NUTM2G: variants seen among roughly 807,000 people sequenced by gnomAD.
NUTM2G encodes the protein family with sequence similarity 22, member G.
NUTM2G carries 29 observed loss-of-function variants against 44.3 expected under a neutral mutation model. That is an observed-to-expected ratio of 0.66 (90% CI 0.49 to 0.89). The LOEUF is 0.89. Ranked by LOEUF, NUTM2G falls within the 40% of genes least tolerant of loss-of-function variation. The pLI is 0.00. For synonymous variants in NUTM2G, 205 were observed against 395.9 expected, an observed-to-expected ratio of 0.52 and a Z score of 5.72; for missense variants, 502 against 946.5, an observed-to-expected ratio of 0.53 and a Z score of 6.16.
downstream of NUTM2G, among the ~76,000 whole-genome samples, chr9:96,941,118 G>A (rs79911370): frequency 8.5e-3 from 1,267 of 149,276 alleles, 15 homozygotes; most frequent in East Asian, 0.099. Flanking sequence ...GTACTCTGGC[G>A]TGTGTGGGTG....
intron 2 of NUTM2G, among the ~76,000 whole-genome samples, chr9:96,933,242 T>C (rs1826327300): frequency 6.6e-6 from 1 of 151,852 alleles, no homozygotes; most frequent in African/African-American, 2.4e-5. Flanking sequence ...CCTCCCAAAG[T>C]GCTGCGATTG....
chr9:96,936,992 T>C, intron 4 of NUTM2G, 72 bp from the exon 5 acceptor site: 2 of 1,378,292 alleles, frequency 1.5e-6, no homozygotes, highest in Non-Finnish European at 2.0e-6. Context: ...CCCCAAGCCC[T>C]GCCCTCCCCT....
In NUTM2G at chr9:96,936,491, G is replaced by A. The variant is rs948377028; in HGVS notation, c.909G>A (p.Gln303=). 8 of 1,555,086 alleles carry A rather than the reference G, an allele frequency of 5.1e-6. No individual in the cohort carries two copies. The highest frequency in any genetic ancestry group is 2.3e-4 in the Middle Eastern group (1 of 4,414). Residue 303 remains glutamine, a synonymous_variant, in exon 4 of 7, where the codon CAG becomes CAA. Coordinates refer to ENST00000372322, the MANE Select transcript of NUTM2G (RefSeq NM_001170741.3). The part of the protein sequence containing the change: ...IQKSQWMKGP[Q]SLPPPAPPRL... The stretch of plus-strand genomic sequence containing the variant: ...AATCGCAGTGGATGAAGGGGCCCCA[G>A]AGCCTGCCTCCTCCAGCCCCGCCGA...
intron 2 of NUTM2G, among the ~76,000 whole-genome samples, chr9:96,934,286 T>A (rs188353994): frequency 6.6e-6 from 1 of 152,352 alleles, no homozygotes; most frequent in African/African-American, 2.4e-5. Flanking sequence ...AAACAGGAGC[T>A]TGAGCATATC....
At chr9:96,933,154 A>AT (rs1249135001) in intron 2 of NUTM2G, among the ~76,000 whole-genome samples, 117 of 134,084 alleles carry the variant, frequency 8.7e-4, no homozygotes, top group Middle Eastern at 0.01. Flanking sequence ...ATTTTTTTGT[A>AT]TTTTTAGTAG....
At position 96,937,416 on chromosome 9, in the gene NUTM2G, T is replaced by C; in HGVS notation, c.1323+12T>C. ...ACTTTGTCACCAAGGTGGGCTTGCC[T>C]GGAGTGCTGTGGTCTGTAGGATTCC... On this transcript the variant is annotated intron_variant, in intron 5 of 6. Transcript: ENST00000372322. The C allele has an allele frequency of 1.2e-6, 2 of 1,610,110 alleles. No individual in the cohort carries two copies. The highest frequency in any genetic ancestry group is 4.5e-5 in the East Asian group (2 of 44,860).
At position 96,937,361 on chromosome 9, in the gene NUTM2G, G is replaced by T; in HGVS notation, c.1280G>T (p.Ser427Ile). 6.2e-7 allele frequency: 1 copy of T among 1,613,906 alleles called. No homozygotes were observed. Among genetic ancestry groups the T allele is most frequent in the Non-Finnish European group, 8.5e-7 (1 of 1,179,862 alleles). The change falls in exon 5 of 7, where the codon AGC becomes ATC. Residue 427 changes from serine (S) to isoleucine (I), a missense_variant. Transcript: ENST00000372322. ...DGMTSDPGLLSYIDKLCSQED... is the reference protein window; with the variant it reads ...DGMTSDPGLLIYIDKLCSQED... ...ATGACCTCAGACCCGGGCCTCCTGA[G>T]CTACATTGACAAGCTGTGTTCCCAG...
chr9:96,938,032 A>C lies in NUTM2G; in HGVS notation c.1440+31A>C, dbSNP rs765616022. The C allele has an allele frequency of 1.4e-4, 233 of 1,611,808 alleles. 1 individual carries two copies. Among genetic ancestry groups the C allele is most frequent in the Non-Finnish European group, 2.4e-5 (28 of 1,179,684 alleles). ...GCAGCAGAGGGAGGGGAACCCAGGT[A>C]CTCCAGGGGCAGGAGGGACCCGGCA... On this transcript the variant is annotated intron_variant, in intron 6 of 6. Transcript: ENST00000372322.
rs759514287 is a variant in NUTM2G at position 96,937,249 on chromosome 9, C to T, written c.1168C>T (p.Leu390=). Residue 390 remains leucine, a synonymous_variant, in exon 5 of 7, where the codon CTG becomes TTG. Transcript: ENST00000372322. ...GGAGTATGTGGACATCATGGAGGAG[C>T]TGCTGGGGTCTCACCCTGGGGACAC... The part of the protein sequence containing the change: ...VQEYVDIMEE[L]LGSHPGDTGE... 7.4e-6 allele frequency: 12 copies of T among 1,613,308 alleles called. No homozygotes were observed. Among genetic ancestry groups the T allele is most frequent in the African/African-American group, 1.3e-5 (1 of 74,882 alleles).
chr9:96,937,585 C>T (rs1564033737), intron 5 of NUTM2G, among the ~76,000 whole-genome samples, 181 bp downstream of exon 5: 1 of 151,952 alleles, frequency 6.6e-6, no homozygotes, highest in Admixed American at 6.6e-5. Flanking sequence ...TGATTTGTTA[C>T]TGTGTCTTTG....
At chr9:96,937,631 T>A (rs1248558896) in intron 5 of NUTM2G, among the ~76,000 whole-genome samples, 1 of 152,126 alleles carries the variant, frequency 6.6e-6, no homozygotes, top group East Asian at 1.9e-4. Context: ...GTCTGGAGTG[T>A]GTATGTTACC....
chr9:96,930,309 G>C (rs1826197670), intron 1 of NUTM2G, among the ~76,000 whole-genome samples: 1 of 152,180 alleles, frequency 6.6e-6, no homozygotes, highest in African/African-American at 2.4e-5. Flanking sequence ...TGGATCACGA[G>C]GTCAAGGAGT....
Position 96,936,151 on chromosome 9 carries a change from G to A in NUTM2G, c.843-274G>A, listed in dbSNP as rs1316681330. Among the ~76,000 whole-genome samples, 4 of 149,360 alleles carry A rather than the reference G, an allele frequency of 2.7e-5. No homozygotes were observed. The South Asian group carries it at 8.7e-4, about 32-fold the overall frequency. ...CCCACCCCCGGCCAGCTGATACCTG[G>A]AGGAGGGGTTCCCGGGACCCTCCTG... On this transcript the variant is annotated intron_variant, in intron 3 of 6. Coordinates refer to ENST00000372322, the MANE Select transcript of NUTM2G (RefSeq NM_001170741.3).
intron 2 of NUTM2G, chr9:96,933,929 C>T (rs1363323780): frequency 1.3e-5 from 2 of 152,248 alleles, no homozygotes; most frequent in Admixed American, 6.5e-5. Context: ...GAAAAAAGGA[C>T]AATGGTGCTT....
intron 3 of NUTM2G, among the ~76,000 whole-genome samples, 191 bp from the exon 4 acceptor site, chr9:96,936,234 G>A (rs1274020906): frequency 1.3e-5 from 2 of 151,378 alleles, no homozygotes; most frequent in Admixed American, 6.6e-5. Context: ...GCTCTGCAGG[G>A]GCCGGGTGAG....
At chr9:96,935,493 G>T (rs530433650) in intron 3 of NUTM2G, 37 bp downstream of exon 3, 6 of 1,611,806 alleles carry the variant, frequency 3.7e-6, no homozygotes, top group East Asian at 2.2e-5. Context: ...CCCGTGTGGC[G>T]GGGTGAGAGT....
chr9:96,938,578 C>G lies in NUTM2G; in HGVS notation c.1655C>G (p.Thr552Ser), dbSNP rs1826522976. 10 of 1,613,516 alleles carry G rather than the reference C, an allele frequency of 6.2e-6. No homozygotes were observed. Among genetic ancestry groups the G allele is most frequent in the Non-Finnish European group, 8.5e-6 (10 of 1,179,730 alleles). The change falls in exon 7 of 7, where the codon ACT (threonine) becomes AGT (serine). Residue 552 changes from threonine (T) to serine (S), a missense_variant. Coordinates refer to ENST00000372322, the MANE Select transcript of NUTM2G (RefSeq NM_001170741.3). ...CCTCAGGGACAGGGCAGAGTGCGCA[C>G]TGGCATGGCCAGGTCCGAAGACCCT... is the stretch of plus-strand genomic sequence containing the variant. The part of the protein sequence containing the change: ...QDPQGQGRVR[T>S]GMARSEDPAV...
At chr9:96,935,733 C>CA (rs536733404) in intron 3 of NUTM2G, among the ~76,000 whole-genome samples, 66 of 152,266 alleles carry the variant, frequency 4.3e-4, no homozygotes, top group African/African-American at 1.4e-3. Context: ...CATCGCAGCC[C>CA]AAAGGGGGTC....
chr9:96,940,075 TA>T (rs1466906585), downstream of NUTM2G: 192 of 127,092 alleles, frequency 1.5e-3, no homozygotes, highest in African/African-American at 5.7e-3. Flanking sequence ...GACACAGATT[TA>T]CATTGGCATC....
Sources: gnomAD v4.1 joint callset for allele counts (sites outside exome capture counted in the v4.1 genomes callset) on GRCh38, gnomAD v4.1.1 for gene constraint, MANE v1.5 for transcripts, NCBI Gene and HGNC (gene_info 2026-07-23, HGNC 2026-07-21) for gene names.